The following MON2 variants were observed in gnomAD, a reference collection of about 807,000 sequenced individuals.
The protein encoded by MON2 is MON2 regulator of endosome-to-Golgi trafficking, also known as protein MON2 homolog.
A neutral mutation model predicts 208.6 loss-of-function variants in MON2; 84 were observed. That is an observed-to-expected ratio of 0.40 (90% confidence interval 0.34 to 0.48). The LOEUF is 0.48. MON2 is among the 20% of genes least tolerant of loss of function. MON2 has a pLI of 0.59. For missense variants in MON2, 1,611 were observed against 2,015.4 expected, an observed-to-expected ratio of 0.80 and a Z score of 3.84; for synonymous variants, 660 against 694.0, an observed-to-expected ratio of 0.95 and a Z score of 0.77.
Position 62,537,707 on chromosome 12 carries a change from G to A in MON2, c.2118+1G>A. Reference sequence around the variant, plus strand: ...GCAACTTGTCTTGGCAACTCTTCAGGTATGTAAAAGTGTCTAGGTCAGAGA... The same window carrying A: ...GCAACTTGTCTTGGCAACTCTTCAGATATGTAAAAGTGTCTAGGTCAGAGA... On this transcript the variant is annotated splice_donor_variant, in intron 16 of 34. Coordinates refer to ENST00000393630, the MANE Select transcript of MON2 (RefSeq NM_015026.3). LOFTEE classifies it high-confidence loss of function. 6.2e-7 allele frequency: 1 copy of A among 1,600,600 alleles called. No homozygotes were observed. The highest frequency in any genetic ancestry group is 8.5e-7 in the Non-Finnish European group (1 of 1,170,740).
intron 9 of MON2, 44 bp from the exon 10 acceptor site, chr12:62,525,040 A>G (rs1400847936): frequency 1.7e-5 from 25 of 1,510,186 alleles, no homozygotes; most frequent in Non-Finnish European, 2.3e-5. Context: ...AGTTTTTAAT[A>G]TATTCAAATG....
chr12:62,543,676 C>T (rs911783914), intron 20 of MON2, among the ~76,000 whole-genome samples: 1 of 151,978 alleles, frequency 6.6e-6, no homozygotes, highest in Non-Finnish European at 1.5e-5. Flanking sequence ...GGTGAGGTCT[C>T]GCCTCACTGC....
At chr12:62,468,894 C>T (rs924285122) in intron 1 of MON2, among the ~76,000 whole-genome samples, 3 of 152,034 alleles carry the variant, frequency 2.0e-5, no homozygotes, top group African/African-American at 7.2e-5. Flanking sequence ...ACTGTGGTTC[C>T]TCTATAGGCT....
chr12:62,536,650 A>C (rs955533213), intron 14 of MON2, among the ~76,000 whole-genome samples: 2 of 151,318 alleles, frequency 1.3e-5, no homozygotes, highest in Non-Finnish European at 2.9e-5. Flanking sequence ...TATTTGCTTA[A>C]CTTGTCTTGG....
intron 2 of MON2, among the ~76,000 whole-genome samples, chr12:62,485,831 G>A: frequency 6.6e-6 from 1 of 152,156 alleles, no homozygotes; most frequent in Non-Finnish European, 1.5e-5. Flanking sequence ...AGCCACCCGA[G>A]TAGCTGAGAT....
At chr12:62,539,290 C>T (rs1281156685) in intron 19 of MON2, among the ~76,000 whole-genome samples, 8 of 146,482 alleles carry the variant, frequency 5.5e-5, no homozygotes, top group South Asian at 2.2e-4. Flanking sequence ...TTTTTTGAAA[C>T]GGAGTCTCGC....
intron 14 of MON2, among the ~76,000 whole-genome samples, chr12:62,535,912 A>G (rs2072945153): frequency 6.6e-6 from 1 of 151,824 alleles, no homozygotes; most frequent in Admixed American, 6.6e-5. Flanking sequence ...TCCAGAATCT[A>G]AAATGCTGCA....
intron 10 of MON2, among the ~76,000 whole-genome samples, chr12:62,525,673 C>T (rs7136696): frequency 0.13 from 19,254 of 152,106 alleles, 1,329 homozygotes; most frequent in East Asian, 0.27. Context: ...TTTATTCCCA[C>T]TTCTGATAAA....
At chr12:62,508,742 AG>A in intron 8 of MON2, 1 of 365,148 alleles carries the variant, frequency 2.7e-6, no homozygotes, top group Admixed American at 4.2e-5. Flanking sequence ...TTTGGAACTC[AG>A]CTTCTTAGCT....
chr12:62,493,099 G>C (rs1001350276), intron 2 of MON2, among the ~76,000 whole-genome samples: 2 of 152,108 alleles, frequency 1.3e-5, no homozygotes, highest in African/African-American at 4.8e-5. Flanking sequence ...TCTTGACTTG[G>C]AATTCCGTGT....
intron 11 of MON2, among the ~76,000 whole-genome samples, chr12:62,531,395 C>T (rs564899450): frequency 6.6e-6 from 1 of 152,214 alleles, no homozygotes; most frequent in Admixed American, 6.5e-5. Flanking sequence ...GTTAATTTTG[C>T]ATATGGTGTG....
intron 7 of MON2, among the ~76,000 whole-genome samples, chr12:62,506,329 C>G (rs1293607467): frequency 6.6e-6 from 1 of 152,110 alleles, no homozygotes; most frequent in Non-Finnish European, 1.5e-5. Context: ...AGTATACATG[C>G]AGAAGTAACA....
At chr12:62,516,031 C>T (rs1340691986) in intron 8 of MON2, among the ~76,000 whole-genome samples, 2 of 152,076 alleles carry the variant, frequency 1.3e-5, no homozygotes, top group Non-Finnish European at 2.9e-5. Flanking sequence ...TATCCATTGA[C>T]AGATGAATGG....
chr12:62,517,383 C>T (rs185500415), intron 8 of MON2, among the ~76,000 whole-genome samples: 12 of 152,202 alleles, frequency 7.9e-5, no homozygotes, highest in East Asian at 1.9e-4. Flanking sequence ...TATTTATCAT[C>T]ATCATCTTTT....
At chr12:62,524,368 C>G (rs964825588) in intron 8 of MON2, 147 bp from the exon 9 acceptor site, 2 of 598,100 alleles carry the variant, frequency 3.3e-6, no homozygotes, top group Non-Finnish European at 5.9e-6. Context: ...TTTCCTTTCT[C>G]TGTTTCTCCA....
At position 62,513,709 on chromosome 12, in the gene MON2, G is replaced by A. The variant is rs1374254796; in HGVS notation, c.984+5229G>A. Among the ~76,000 whole-genome samples, 5 of 123,316 alleles carry A rather than the reference G, an allele frequency of 4.1e-5. 1 individual carries two copies. The Admixed American group carries it at 4.3e-4, about 11-fold the overall frequency. The allele number at this position is 123,316 out of a possible 152,430, so 80.9% of individuals were successfully genotyped here. A position where few individuals can be genotyped will look rare whatever the true frequency, so the allele number is the denominator to read the frequency against. On this transcript the variant is annotated intron_variant, in intron 8 of 34. Coordinates refer to ENST00000393630, the MANE Select transcript of MON2 (RefSeq NM_015026.3). Reference sequence around the variant, plus strand: ...CGCCTGTAATCCCAGCACTTTGGGAGGCTGAGGCAGGCGGGTCATGAGGTC... The same window carrying A: ...CGCCTGTAATCCCAGCACTTTGGGAAGCTGAGGCAGGCGGGTCATGAGGTC...
intron 23 of MON2, among the ~76,000 whole-genome samples, chr12:62,550,226 C>T (rs1446075195): frequency 6.6e-6 from 1 of 152,174 alleles, no homozygotes; most frequent in Non-Finnish European, 1.5e-5. Flanking sequence ...TACATGACAT[C>T]TTCAAGTACA....
At chr12:62,578,758 A>G (rs538388606) in intron 31 of MON2, among the ~76,000 whole-genome samples, 21 of 152,176 alleles carry the variant, frequency 1.4e-4, no homozygotes, top group Non-Finnish European at 2.9e-4. Context: ...ATAAGTTTAA[A>G]AAGAGTTTAT....
In MON2 at chr12:62,592,067, T is replaced by A. The variant is rs557992522; in HGVS notation, c.4991-519T>A. Among the ~76,000 whole-genome samples, 5 of 152,310 alleles carry A rather than the reference T, an allele frequency of 3.3e-5. No homozygotes were observed. The South Asian group carries it at 1.0e-3, about 32-fold the overall frequency. Reference sequence around the variant, plus strand: ...CCACTCAAGTCTACATCTAATGATATACATTAAAGATTAGCAAACAGTACA... The same window carrying A: ...CCACTCAAGTCTACATCTAATGATAAACATTAAAGATTAGCAAACAGTACA... On this transcript the variant is annotated intron_variant, in intron 34 of 34. Transcript: ENST00000393630.
Sources: allele counts gnomAD v4.1 joint callset (sites outside exome capture counted in the v4.1 genomes callset), GRCh38; gene constraint gnomAD v4.1.1; transcripts MANE v1.5; gene names NCBI Gene and HGNC (gene_info 2026-07-23, HGNC 2026-07-21).